Variants in PABPC1L observed in about 807,000 individuals in gnomAD.
The protein encoded by PABPC1L is polyadenylate-binding protein 1-like.
A neutral mutation model predicts 66.6 loss-of-function variants in PABPC1L; 31 were observed. That is an observed-to-expected ratio of 0.47 (90% CI 0.35 to 0.63). The LOEUF is 0.63. Among genes scored for constraint, PABPC1L ranks in the 20% least tolerant of loss-of-function variants. The pLI is 0.00. For synonymous variants in PABPC1L, 348 were observed against 335.1 expected, an observed-to-expected ratio of 1.04 and a Z score of -0.42; for missense variants, 722 against 848.8, an observed-to-expected ratio of 0.85 and a Z score of 1.86.
intron 5 of PABPC1L, among the ~76,000 whole-genome samples, chr20:44,920,581 G>A (rs902305169): frequency 1.3e-4 from 19 of 151,720 alleles, no homozygotes; most frequent in Non-Finnish European, 2.7e-4. Context: ...TAATTCTCCT[G>A]CCTCAACCTC....
intron 7 of PABPC1L, 73 bp downstream of exon 7, chr20:44,924,329 C>G: frequency 8.4e-7 from 1 of 1,191,110 alleles, no homozygotes; most frequent in Non-Finnish European, 1.2e-6. Flanking sequence ...CACAACCCCA[C>G]CCCTCCACCC....
intron 2 of PABPC1L, among the ~76,000 whole-genome samples, chr20:44,915,671 C>G (rs1183729252): frequency 6.6e-6 from 1 of 151,938 alleles, no homozygotes; most frequent in African/African-American, 2.4e-5. Context: ...TGGTGGCATG[C>G]ACCTGTAATC....
intron 7 of PABPC1L, among the ~76,000 whole-genome samples, chr20:44,929,327 A>T (rs2066833847): frequency 6.6e-6 from 1 of 152,198 alleles, no homozygotes; most frequent in African/African-American, 2.4e-5. Flanking sequence ...ATCCTGGAAG[A>T]GAAAAAGAAT....
intron 9 of PABPC1L, chr20:44,932,733 A>G (rs1351475740): frequency 1.2e-5 from 6 of 502,860 alleles, no homozygotes; most frequent in Middle Eastern, 5.3e-4. Context: ...CTCTGGCTAT[A>G]TTGTTGACCA....
At chr20:44,914,085 A>ATGTCTGGAACAG (rs1392968806) in intron 2 of PABPC1L, among the ~76,000 whole-genome samples, 1 of 152,110 alleles carries the variant, frequency 6.6e-6, no homozygotes, top group Admixed American at 6.6e-5. Flanking sequence ...CAGAGGGCTT[A>ATGTCTGGAACAG]AACCTGGGTG....
At chr20:44,920,267 A>G (rs1285082704) in intron 5 of PABPC1L, among the ~76,000 whole-genome samples, 1 of 152,088 alleles carries the variant, frequency 6.6e-6, no homozygotes, top group Non-Finnish European at 1.5e-5. Context: ...CATGCAGACT[A>G]CTTTCAGTGC....
intron 6 of PABPC1L, 104 bp downstream of exon 6, chr20:44,921,835 C>T (rs982547209): frequency 7.5e-5 from 116 of 1,546,106 alleles, no homozygotes; most frequent in Non-Finnish European, 1.0e-4. Flanking sequence ...CTTCTGGGCA[C>T]TTGGCTCAAG....
chr20:44,916,281 T>C (rs2066737149), intron 2 of PABPC1L, among the ~76,000 whole-genome samples: 1 of 152,244 alleles, frequency 6.6e-6, no homozygotes, highest in South Asian at 2.1e-4. Context: ...TTTTCTGTTT[T>C]TATTTTTTTG....
chr20:44,937,897 A>G (rs2066913649), intron 12 of PABPC1L, 164 bp from the exon 13 acceptor site: 1 of 948,222 alleles, frequency 1.1e-6, no homozygotes, highest in East Asian at 2.8e-5. Context: ...CCCAGTCATT[A>G]AAAGTACCTG....
At chr20:44,919,373 C>G in intron 5 of PABPC1L, 96 bp downstream of exon 5, 3 of 1,380,326 alleles carry the variant, frequency 2.2e-6, no homozygotes, top group Non-Finnish European at 1.0e-6. Flanking sequence ...GAAAGTCCCT[C>G]CCCGGCCTAA....
rs763780581 is a variant in PABPC1L at position 44,912,684 on chromosome 20, A to G, written c.218A>G (p.Asn73Ser). 4 of 1,613,748 alleles carry G rather than the reference A, an allele frequency of 2.5e-6. No individual in the cohort carries two copies. The highest frequency in any genetic ancestry group is 3.4e-6 in the Non-Finnish European group (4 of 1,179,822). Residue 73 changes from asparagine to serine, a missense_variant, in exon 2 of 15, where the codon AAC becomes AGC. Physicochemically the swap from Asn to Ser is conservative, Grantham distance 46. Around this residue, in one of 3 missense-constraint regions of PABPC1L, gnomAD observed 284 missense variants for 294.8 expected, o/e 0.96. Coordinates refer to ENST00000217073, the MANE Select transcript of PABPC1L (RefSeq NM_001372179.1). ...ADAERALDTM[N>S]FEMLKGQPIR... ...GCGGAGCGGGCACTGGACACAATGAACTTTGAGATGCTCAAAGGCCAGCCT... is the reference window on the plus strand; with the variant it reads ...GCGGAGCGGGCACTGGACACAATGAGCTTTGAGATGCTCAAAGGCCAGCCT...
intron 2 of PABPC1L, among the ~76,000 whole-genome samples, chr20:44,915,343 A>T (rs1173187303): frequency 6.6e-6 from 1 of 152,116 alleles, no homozygotes; most frequent in Non-Finnish European, 1.5e-5. Context: ...GGATGAGTGG[A>T]GCCACAGTCA....
intron 12 of PABPC1L, 72 bp from the exon 13 acceptor site, chr20:44,937,989 C>T (rs2066914286): frequency 6.2e-7 from 1 of 1,602,722 alleles, no homozygotes; most frequent in South Asian, 1.1e-5. Flanking sequence ...CAGTGCTCCA[C>T]TCCATACGAG....
At chr20:44,924,100 C>G (rs1219456419) in intron 6 of PABPC1L, 61 bp from the exon 7 acceptor site, 1 of 1,398,494 alleles carries the variant, frequency 7.2e-7, no homozygotes, top group Non-Finnish European at 1.0e-6. Context: ...TCCCTGATCT[C>G]CCCAAGGCAG....
At chr20:44,933,239 A>G in intron 10 of PABPC1L, 54 bp downstream of exon 10, 2 of 1,425,302 alleles carry the variant, frequency 1.4e-6, no homozygotes, top group Non-Finnish European at 1.9e-6. Flanking sequence ...TGGCACTAGG[A>G]GTCAGGACCA....
At position 44,910,316 on chromosome 20, in the gene PABPC1L, A is replaced by C. The variant is rs757191317; in HGVS notation, c.173A>C (p.Asn58Thr). 6.6e-7 allele frequency: 1 copy of C among 1,521,704 alleles called. No homozygotes were observed. Among genetic ancestry groups the C allele is most frequent in the Non-Finnish European group, 8.9e-7 (1 of 1,128,200 alleles). 94.3% of individuals were successfully genotyped at this position (1,521,704 alleles called of 1,614,324 possible). The change falls in exon 1 of 15, where the codon AAC (asparagine) becomes ACC (threonine). Residue 58 changes from asparagine (N) to threonine (T), a missense_variant. Physicochemically the swap from Asn to Thr is moderately conservative, Grantham distance 65 (BLOSUM62 0). This residue lies in a region of PABPC1L where 284 missense variants were observed against 294.8 expected (regional missense o/e 0.96). Transcript: ENST00000217073. ...TRRSLGYAYI[N>T]FQQPADAERA... Reference sequence around the variant, plus strand: ...CGCTCGCTGGGCTACGCCTACATCAACTTCCAGCAGCCCGCGGACGGTGAG... The same window carrying C: ...CGCTCGCTGGGCTACGCCTACATCACCTTCCAGCAGCCCGCGGACGGTGAG...
chr20:44,919,006 G>T lies in PABPC1L; in HGVS notation c.604G>T (p.Val202Leu). The T allele has an allele frequency of 6.2e-7, 1 of 1,613,622 alleles. No homozygotes were observed. Among genetic ancestry groups the T allele is most frequent in the Non-Finnish European group, 8.5e-7 (1 of 1,179,746 alleles). Residue 202 changes from valine (V) to leucine (L), a missense_variant, in exon 4 of 15, where the codon GTG becomes TTG. Around this residue, in one of 3 missense-constraint regions of PABPC1L, gnomAD observed 284 missense variants for 294.8 expected, o/e 0.96. Coordinates refer to ENST00000217073, the MANE Select transcript of PABPC1L (RefSeq NM_001372179.1). ...CTACGTGAAGAACCTCCCGGTGGATGTGGACGAGCAAGGCCTGCAGGACCT... is the reference window on the plus strand; with the variant it reads ...CTACGTGAAGAACCTCCCGGTGGATTTGGACGAGCAAGGCCTGCAGGACCT... ...NIYVKNLPVDVDEQGLQDLFS... is the reference protein window; with the variant it reads ...NIYVKNLPVDLDEQGLQDLFS...
chr20:44,938,413 G>A (rs2145586684), intron 13 of PABPC1L, among the ~76,000 whole-genome samples: 1 of 152,330 alleles, frequency 6.6e-6, no homozygotes, highest in Middle Eastern at 3.4e-3. Context: ...CTGTAGGTAG[G>A]TCTTTTGGTA....
intron 7 of PABPC1L, among the ~76,000 whole-genome samples, chr20:44,926,063 G>C (rs531550886): frequency 3.9e-5 from 6 of 152,150 alleles, no homozygotes; most frequent in Non-Finnish European, 7.3e-5. Context: ...AGTGATTGTC[G>C]TAATGATTCA....
Sources: allele counts gnomAD v4.1 joint callset (sites outside exome capture counted in the v4.1 genomes callset), GRCh38; gene constraint gnomAD v4.1.1; regional missense constraint gnomAD v4.1.1; transcripts MANE v1.5; gene names NCBI Gene and HGNC (gene_info 2026-07-23, HGNC 2026-07-21).